Variants in SYT7 observed in about 807,000 individuals in gnomAD.
The protein encoded by SYT7 is synaptotagmin-7.
SYT7 carries 29 observed loss-of-function variants against 75.1 expected under a neutral mutation model. That is an observed-to-expected ratio of 0.39 (90% confidence interval 0.29 to 0.53). The LOEUF is 0.53. Among genes scored for constraint, SYT7 ranks in the 20% least tolerant of loss-of-function variants. The pLI, the probability that SYT7 is intolerant of heterozygous loss-of-function variation, is 0.77. For synonymous variants in SYT7, 376 were observed against 401.7 expected (o/e 0.94, Z 0.76); for missense variants, 693 against 953.2 (o/e 0.73, Z 3.59).
intron 1 of SYT7, among the ~76,000 whole-genome samples, chr11:61,571,788 C>T (rs1422472808): frequency 6.6e-6 from 1 of 152,154 alleles, no homozygotes; most frequent in African/African-American, 2.4e-5. Context: ...TGAGACTAAG[C>T]CCTCCCTTAG....
At chr11:61,588,175 A>G in the SYT7 span, among the ~76,000 whole-genome samples, 1 of 152,088 alleles carries the variant, frequency 6.6e-6, no homozygotes, top group Non-Finnish European at 1.5e-5. Flanking sequence ...CCTCTCCCTC[A>G]CCAAGGCCTC....
At chr11:61,520,553 G>C (rs969164046) in intron 12 of SYT7, among the ~76,000 whole-genome samples, 1 of 151,570 alleles carries the variant, frequency 6.6e-6, no homozygotes, top group African/African-American at 2.4e-5. Flanking sequence ...GGTCAGGCAC[G>C]GTGGCTCCTG....
At chr11:61,550,563 T>G (rs1256557636) in intron 3 of SYT7, among the ~76,000 whole-genome samples, 1 of 152,016 alleles carries the variant, frequency 6.6e-6, no homozygotes, top group Non-Finnish European at 1.5e-5. Context: ...GGCTGAGATG[T>G]GGGGTTACCA....
intron 1 of SYT7, among the ~76,000 whole-genome samples, chr11:61,578,865 A>G (rs2064157539): frequency 6.6e-6 from 1 of 152,204 alleles, no homozygotes; most frequent in African/African-American, 2.4e-5. Context: ...CGCAGCTGCA[A>G]CTGGGGTGGG....
At chr11:61,559,440 G>C (rs568277145) in intron 1 of SYT7, among the ~76,000 whole-genome samples, 1 of 152,214 alleles carries the variant, frequency 6.6e-6, no homozygotes, top group African/African-American at 2.4e-5. Flanking sequence ...TGATGGGGAA[G>C]GGGCTTGTCT....
At chr11:61,572,804 G>A (rs2063957997) in intron 1 of SYT7, among the ~76,000 whole-genome samples, 1 of 152,134 alleles carries the variant, frequency 6.6e-6, no homozygotes, top group African/African-American at 2.4e-5. Context: ...AGGGCCCTTG[G>A]CACCCATCTG....
intron 12 of SYT7, among the ~76,000 whole-genome samples, chr11:61,521,927 T>C (rs1565161868): frequency 6.6e-6 from 1 of 152,186 alleles, no homozygotes; most frequent in Non-Finnish European, 1.5e-5. Context: ...TCTCAGCACA[T>C]TGTAAGGGTA....
intron 6 of SYT7, chr11:61,540,500 G>T: frequency 1.0e-6 from 1 of 985,252 alleles, no homozygotes; most frequent in Non-Finnish European, 1.2e-6. Flanking sequence ...TCTAGGAAAA[G>T]TTGGCCGACC....
chr11:61,534,723 T>C (rs1302832781), intron 7 of SYT7, among the ~76,000 whole-genome samples: 1 of 152,172 alleles, frequency 6.6e-6, no homozygotes, highest in Non-Finnish European at 1.5e-5. Flanking sequence ...ACGATACACC[T>C]GCTGTGACAA....
intron 3 of SYT7, 39 bp from the exon 4 acceptor site, chr11:61,547,347 A>G: frequency 6.5e-7 from 1 of 1,532,152 alleles, no homozygotes; most frequent in Non-Finnish European, 8.7e-7. Flanking sequence ...ACAGGGAGAT[A>G]CAAGAAGAAA....
At chr11:61,585,377 A>G (rs569101465), upstream of SYT7, among the ~76,000 whole-genome samples, 1 of 152,296 alleles carries the variant, frequency 6.6e-6, no homozygotes, top group Admixed American at 6.5e-5. Context: ...CAAGAGACTC[A>G]GGCTGAGCAT....
At position 61,524,706 on chromosome 11, in the gene SYT7, C is replaced by G. The variant is rs2062457971; in HGVS notation, c.1472-174G>C. 7 of 568,286 alleles carry G rather than the reference C, an allele frequency of 1.2e-5. No homozygotes were observed. In the East Asian group the frequency reaches 2.2e-4, roughly 18 times the overall value. 35.2% of individuals were successfully genotyped at this position (568,286 alleles called of 1,614,324 possible). On this transcript the variant is annotated intron_variant, in intron 9 of 12. Transcript: ENST00000539008. This position sits in a 1 kb window ranked among gnomAD's most constrained non-coding sequence, Gnocchi z 4.1. ...GACCTTACTGAAGTGCTAGCAAGAA[C>G]TGTCACCGTCTCATGGGATTCCCTC...
At position 61,540,784 on chromosome 11, in the gene SYT7, A is replaced by G. The variant is rs911802803; in HGVS notation, c.941+1427T>C. 4 of 985,406 alleles carry G rather than the reference A, an allele frequency of 4.1e-6. No homozygotes were observed. In the African/African-American group the frequency reaches 5.2e-5, roughly 13 times the overall value. The allele number at this position is 985,406 out of a possible 1,614,324, so 61.0% of individuals were successfully genotyped here. A position where few individuals can be genotyped will look rare whatever the true frequency, so the allele number is the denominator to read the frequency against. ...ACGTGCAGGGGCCCAGCAGGCTCTCAGTCCTGTTCAAGCCACGCAGACCCA... is the reference window on the plus strand; with the variant it reads ...ACGTGCAGGGGCCCAGCAGGCTCTCGGTCCTGTTCAAGCCACGCAGACCCA... On this transcript the variant is annotated intron_variant, in intron 6 of 12. Transcript: ENST00000539008.
chr11:61,555,300 G>T (rs1168719675), intron 2 of SYT7, among the ~76,000 whole-genome samples: 1 of 152,192 alleles, frequency 6.6e-6, no homozygotes, highest in Non-Finnish European at 1.5e-5. Flanking sequence ...CGGGCCCACC[G>T]TCGCCCCCCT....
chr11:61,585,452 G>T (rs577393767), upstream of SYT7, among the ~76,000 whole-genome samples: 2 of 152,292 alleles, frequency 1.3e-5, no homozygotes, highest in East Asian at 3.9e-4. Flanking sequence ...CAACAGCAAA[G>T]CCCACTGGTG....
At chr11:61,547,691 G>A (rs1376728484) in intron 3 of SYT7, among the ~76,000 whole-genome samples, 1 of 152,036 alleles carries the variant, frequency 6.6e-6, no homozygotes, top group African/African-American at 2.4e-5. Context: ...GGCCTGGGGT[G>A]AGCAGGGGGA....
At chr11:61,525,609 G>T (rs567144130) in intron 9 of SYT7, 1 of 151,802 alleles carries the variant, frequency 6.6e-6, no homozygotes, top group Non-Finnish European at 1.5e-5. Context: ...CATAACACAC[G>T]CGGTAATAGA....
chr11:61,529,158 C>T (rs767712611), intron 8 of SYT7, among the ~76,000 whole-genome samples: 7 of 152,062 alleles, frequency 4.6e-5, no homozygotes, highest in Non-Finnish European at 8.8e-5. Context: ...TACCCTGGCT[C>T]GAAAATCTCC....
At chr11:61,557,805 TGG>T (rs2063537269) in intron 1 of SYT7, among the ~76,000 whole-genome samples, 3 of 152,346 alleles carry the variant, frequency 2.0e-5, no homozygotes, top group Admixed American at 6.5e-5. Context: ...CTCCCTCTCC[TGG>T]GCTGAGGAGC....
Sources: gnomAD v4.1 joint callset for allele counts (sites outside exome capture counted in the v4.1 genomes callset) on GRCh38, gnomAD v4.1.1 for gene constraint, Gnocchi (gnomAD v3.1) non-coding constraint, MANE v1.5 for transcripts, NCBI Gene and HGNC (gene_info 2026-07-23, HGNC 2026-07-21) for gene names.